The following PPTC7 variants were observed in gnomAD, a reference collection of about 807,000 sequenced individuals.
The protein encoded by PPTC7 is protein phosphatase PTC7 homolog.
A neutral mutation model predicts 30.8 loss-of-function variants in PPTC7; 6 were observed. The observed-to-expected ratio is 0.19, with a 90% confidence interval of 0.11 to 0.38. The LOEUF (loss-of-function observed/expected upper bound fraction) is 0.38. Among genes scored for constraint, PPTC7 ranks in the 10% least tolerant of loss-of-function variants. PPTC7 has a pLI of 1.00. For synonymous variants in PPTC7, 163 were observed against 168.1 expected (o/e 0.97, Z 0.23); for missense variants, 218 against 404.8 (o/e 0.54, Z 3.96).
At chr12:110,559,704 C>T (rs574474622) in intron 1 of PPTC7, among the ~76,000 whole-genome samples, 314 of 139,956 alleles carry the variant, frequency 2.2e-3, no homozygotes, top group African/African-American at 7.6e-3. Flanking sequence ...CCAGCCTGGG[C>T]GACAGAGCAA....
intron 3 of PPTC7, among the ~76,000 whole-genome samples, chr12:110,545,502 G>A (rs1047163802): frequency 4.9e-4 from 74 of 152,354 alleles, no homozygotes; most frequent in African/African-American, 1.5e-3. Flanking sequence ...GTCTGTTTGT[G>A]CTCTTCCCTA....
At chr12:110,540,576 T>C (rs778826623) in intron 3 of PPTC7, among the ~76,000 whole-genome samples, 5 of 152,076 alleles carry the variant, frequency 3.3e-5, no homozygotes, top group Non-Finnish European at 7.4e-5. Context: ...GGTCTTGAAC[T>C]CCTGACCTCA....
At chr12:110,568,942 G>A (rs1190538683) in intron 1 of PPTC7, among the ~76,000 whole-genome samples, 5 of 152,146 alleles carry the variant, frequency 3.3e-5, no homozygotes, top group South Asian at 2.1e-4. Context: ...TTCAGTCCGG[G>A]AGGTCGAGGC....
At chr12:110,581,897 G>A (rs1328916361) in intron 1 of PPTC7, among the ~76,000 whole-genome samples, 1 of 152,224 alleles carries the variant, frequency 6.6e-6, no homozygotes, top group Non-Finnish European at 1.5e-5. Context: ...TTCAAAGCGA[G>A]CGCATTGCTT....
In PPTC7 at chr12:110,582,810, G is replaced by C. The variant is rs757614074; in HGVS notation, c.222C>G (p.Leu74=). ...AAGGGAACCGGGTCGGGGACTCACCGAGCACGTCCGCGGAACGGTGCCGGG... is the reference window on the plus strand; with the variant it reads ...AAGGGAACCGGGTCGGGGACTCACCCAGCACGTCCGCGGAACGGTGCCGGG... ...FVARHRSADV[L]GVADGVGGWR... The change falls in exon 1 of 6, where the codon CTC becomes CTG. Residue 74 remains leucine, a splice_region_variant and synonymous_variant. Coordinates refer to ENST00000354300, the MANE Select transcript of PPTC7 (RefSeq NM_139283.2). The C allele has an allele frequency of 6.4e-7, 1 of 1,556,490 alleles. No homozygotes were observed. The highest frequency in any genetic ancestry group is 1.2e-5 in the South Asian group (1 of 84,334).
intron 1 of PPTC7, among the ~76,000 whole-genome samples, chr12:110,574,539 G>C (rs1301554336): frequency 5.3e-5 from 8 of 152,070 alleles, no homozygotes; most frequent in African/African-American, 1.9e-4. Flanking sequence ...TTTCCTGTTA[G>C]AGATTTTATT....
chr12:110,551,690 G>A (rs1593150769), intron 2 of PPTC7, 99 bp downstream of exon 2: 1 of 1,093,360 alleles, frequency 9.1e-7, no homozygotes, highest in East Asian at 2.4e-5. Context: ...AGTAGGAAGA[G>A]CCTCAGAAAA....
intron 1 of PPTC7, among the ~76,000 whole-genome samples, chr12:110,566,359 A>C (rs986730364): frequency 6.6e-6 from 1 of 152,222 alleles, no homozygotes; most frequent in African/African-American, 2.4e-5. Context: ...TTCTAACTGG[A>C]AAGGCAGTGT....
intron 1 of PPTC7, among the ~76,000 whole-genome samples, chr12:110,582,587 G>T (rs1172084891): frequency 6.6e-6 from 1 of 152,226 alleles, no homozygotes; most frequent in Non-Finnish European, 1.5e-5. Flanking sequence ...CACACGACTT[G>T]ACCGCTGTGC....
chr12:110,549,245 T>A (rs918560382), intron 2 of PPTC7, among the ~76,000 whole-genome samples: 1 of 152,204 alleles, frequency 6.6e-6, no homozygotes, highest in African/African-American at 2.4e-5. Flanking sequence ...AAATCATATA[T>A]GCCAACAATT....
intron 1 of PPTC7, among the ~76,000 whole-genome samples, chr12:110,553,297 G>T (rs959154981): frequency 6.6e-6 from 1 of 151,532 alleles, no homozygotes; most frequent in African/African-American, 2.4e-5. Context: ...CTACAGGTGC[G>T]TGCCATCACG....
intron 1 of PPTC7, among the ~76,000 whole-genome samples, chr12:110,579,239 G>C (rs1487838022): frequency 6.6e-6 from 1 of 152,082 alleles, no homozygotes; most frequent in Non-Finnish European, 1.5e-5. Flanking sequence ...AGGATCAAAT[G>C]AGGCCAACTC....
chr12:110,580,022 C>G (rs913826647), intron 1 of PPTC7, among the ~76,000 whole-genome samples: 45 of 151,242 alleles, frequency 3.0e-4, no homozygotes, highest in Non-Finnish European at 5.3e-4. Context: ...CCCGCACCCC[C>G]CACCCACCAA....
chr12:110,571,729 A>G (rs1478699292), intron 1 of PPTC7, among the ~76,000 whole-genome samples: 1 of 152,228 alleles, frequency 6.6e-6, no homozygotes, highest in Non-Finnish European at 1.5e-5. Flanking sequence ...TCAGGCATCC[A>G]CAAAACATAC....
At chr12:110,569,394 GA>G (rs1192963259) in intron 1 of PPTC7, among the ~76,000 whole-genome samples, 1 of 151,996 alleles carries the variant, frequency 6.6e-6, no homozygotes, top group Non-Finnish European at 1.5e-5. Flanking sequence ...TGAGCTGATG[GA>G]AAGAGCATTA....
At chr12:110,573,068 C>T (rs199545186) in intron 1 of PPTC7, among the ~76,000 whole-genome samples, 6 of 152,028 alleles carry the variant, frequency 3.9e-5, no homozygotes, top group Non-Finnish European at 8.8e-5. Flanking sequence ...TCAGTAGAGA[C>T]GGGGTTTCAC....
intron 3 of PPTC7, among the ~76,000 whole-genome samples, chr12:110,540,304 A>C (rs2064248183): frequency 7.1e-6 from 1 of 141,402 alleles, no homozygotes; most frequent in Non-Finnish European, 1.5e-5. Context: ...TTACAGCCGA[A>C]TTCCATCCCC....
At chr12:110,572,684 C>CA (rs1310407495) in intron 1 of PPTC7, among the ~76,000 whole-genome samples, 2 of 152,194 alleles carry the variant, frequency 1.3e-5, no homozygotes, top group South Asian at 2.1e-4. Context: ...TTCATACCAA[C>CA]AATTCAATCC....
At chr12:110,545,028 GC>G (rs1431798227) in intron 3 of PPTC7, among the ~76,000 whole-genome samples, 1 of 152,098 alleles carries the variant, frequency 6.6e-6, no homozygotes, top group Admixed American at 6.6e-5. Context: ...TCCAGCCTCA[GC>G]CTCTCAAGTA....
Sources: gnomAD v4.1 joint callset for allele counts (sites outside exome capture counted in the v4.1 genomes callset) on GRCh38, gnomAD v4.1.1 for gene constraint, MANE v1.5 for transcripts, NCBI Gene and HGNC (gene_info 2026-07-23, HGNC 2026-07-21) for gene names.